The following SCAPER variants were observed in gnomAD, a reference collection of about 807,000 sequenced individuals.
SCAPER encodes the protein S-phase cyclin A associated protein in the ER, also known as S phase cyclin A-associated protein in the endoplasmic reticulum.
In SCAPER, 98 loss-of-function variants were observed where a neutral mutation model predicts 182.2. That is an observed-to-expected ratio of 0.54 (90% CI 0.46 to 0.64). The LOEUF is 0.64. Among genes scored for constraint, SCAPER ranks in the 30% least tolerant of loss-of-function variants. SCAPER has a pLI of 0.00. For synonymous variants in SCAPER, 605 were observed against 564.6 expected (o/e 1.07, Z -1.01); for missense variants, 1,432 against 1,690.0 (o/e 0.85, Z 2.68).
intron 22 of SCAPER, among the ~76,000 whole-genome samples, chr15:76,617,885 C>T (rs749733646): frequency 2.0e-5 from 3 of 152,112 alleles, no homozygotes; most frequent in Admixed American, 6.5e-5. Context: ...CTTCTTCTGG[C>T]CATCTTTTGC....
At chr15:76,685,322 T>TA (rs541148736) in intron 20 of SCAPER, among the ~76,000 whole-genome samples, 156 of 145,126 alleles carry the variant, frequency 1.1e-3, no homozygotes, top group Non-Finnish European at 1.4e-3. Flanking sequence ...CAATGTGATT[T>TA]AAAAAAAAAA....
intron 28 of SCAPER, among the ~76,000 whole-genome samples, chr15:76,379,485 T>G (rs923248856): frequency 6.6e-6 from 1 of 152,152 alleles, no homozygotes; most frequent in African/African-American, 2.4e-5. Flanking sequence ...CATTTCTTTT[T>G]ATCCCTAGAG....
At chr15:76,844,840 G>A (rs1174775042) in intron 4 of SCAPER, among the ~76,000 whole-genome samples, 1 of 152,020 alleles carries the variant, frequency 6.6e-6, no homozygotes, top group Non-Finnish European at 1.5e-5. Context: ...CAGAGGAGGA[G>A]GGAATACTTC....
chr15:76,399,719 A>G (rs1454941459), intron 27 of SCAPER, among the ~76,000 whole-genome samples: 1 of 152,086 alleles, frequency 6.6e-6, no homozygotes, highest in Non-Finnish European at 1.5e-5. Context: ...CTAGGTAAAA[A>G]TTTGGCTGAG....
chr15:76,704,827 A>C (rs890947476), intron 18 of SCAPER, among the ~76,000 whole-genome samples: 31 of 152,198 alleles, frequency 2.0e-4, no homozygotes, highest in Admixed American at 1.9e-3. Flanking sequence ...AGAGAAATGC[A>C]AATCAAAACC....
chr15:76,637,382 T>C (rs2053687481), intron 21 of SCAPER, among the ~76,000 whole-genome samples: 1 of 152,108 alleles, frequency 6.6e-6, no homozygotes, highest in Non-Finnish European at 1.5e-5. Flanking sequence ...ATATAAAGGT[T>C]CCAATTTCTC....
At position 76,798,219 on chromosome 15, in the gene SCAPER, G is replaced by C. The variant is rs573202676; in HGVS notation, c.611+2029C>G. Among the ~76,000 whole-genome samples, 397 of 152,112 alleles carry C rather than the reference G, an allele frequency of 2.6e-3. 2 individuals carry two copies. Among genetic ancestry groups the C allele is most frequent in the African/African-American group, 9.2e-3 (381 of 41,518 alleles). On this transcript the variant is annotated intron_variant, in intron 7 of 31. Transcript: ENST00000563290. The stretch of plus-strand genomic sequence containing the variant: ...TACCAAAAATACAAAAATTAGCTGG[G>C]CATGGTGGCATGCGCCTATAATTCC...
intron 26 of SCAPER, among the ~76,000 whole-genome samples, chr15:76,406,661 A>G (rs570549167): frequency 1.2e-3 from 184 of 152,126 alleles, no homozygotes; most frequent in Non-Finnish European, 2.0e-3. Flanking sequence ...AGCAAACAAA[A>G]TAAAAGAAAG....
At chr15:76,765,114 CATGA>C in intron 13 of SCAPER, 42 bp from the exon 14 acceptor site, 1 of 1,370,656 alleles carries the variant, frequency 7.3e-7, no homozygotes, top group Non-Finnish European at 1.0e-6. Context: ...GAAATGTTTA[CATGA>C]TAAGGCCAGA....
intron 5 of SCAPER, among the ~76,000 whole-genome samples, chr15:76,833,762 G>C (rs1164160785): frequency 6.6e-6 from 1 of 152,180 alleles, no homozygotes; most frequent in Non-Finnish European, 1.5e-5. Context: ...AAAGGACAAA[G>C]AAGAGTATTA....
intron 25 of SCAPER, among the ~76,000 whole-genome samples, chr15:76,457,472 TCTTTTGGAATATC>T (rs1446080675): frequency 6.6e-6 from 1 of 152,220 alleles, no homozygotes; most frequent in Non-Finnish European, 1.5e-5. Flanking sequence ...TTTCCTTTCT[TCTTTTGGAATATC>T]CTTTTGGAAT....
chr15:76,663,015 G>A (rs1375737786), intron 21 of SCAPER, among the ~76,000 whole-genome samples: 1 of 152,016 alleles, frequency 6.6e-6, no homozygotes, highest in South Asian at 2.1e-4. Flanking sequence ...TAAAGAAAAT[G>A]TATATGTAAG....
intron 16 of SCAPER, among the ~76,000 whole-genome samples, chr15:76,729,279 CACAT>C (rs2060770510): frequency 7.6e-6 from 1 of 130,862 alleles, no homozygotes; most frequent in Non-Finnish European, 1.5e-5. Context: ...TACACACACA[CACAT>C]ATATATACAC....
intron 23 of SCAPER, among the ~76,000 whole-genome samples, chr15:76,562,284 GACAA>G (rs2145167349): frequency 6.6e-6 from 1 of 151,284 alleles, no homozygotes; most frequent in African/African-American, 2.4e-5. Flanking sequence ...CTTTATAAAA[GACAA>G]TATTGATAAA....
chr15:76,709,964 A>T (rs1436626008), intron 17 of SCAPER, among the ~76,000 whole-genome samples: 2 of 152,232 alleles, frequency 1.3e-5, no homozygotes, highest in African/African-American at 4.8e-5. Flanking sequence ...TTCAAAGTCC[A>T]TTCATGTTAA....
intron 11 of SCAPER, among the ~76,000 whole-genome samples, chr15:76,766,253 C>T (rs368163369): frequency 1.3e-5 from 2 of 152,034 alleles, no homozygotes; most frequent in Non-Finnish European, 2.9e-5. Context: ...CCTGCCACCA[C>T]GCCCAGCTAA....
intron 14 of SCAPER, among the ~76,000 whole-genome samples, chr15:76,761,468 A>G (rs1295495843): frequency 6.6e-6 from 1 of 152,192 alleles, no homozygotes; most frequent in Non-Finnish European, 1.5e-5. Flanking sequence ...TTGTTTTGCT[A>G]CATCTCACAA....
intron 2 of SCAPER, among the ~76,000 whole-genome samples, chr15:76,877,916 A>T (rs9888668): frequency 0.02 from 3,010 of 152,318 alleles, 91 homozygotes; most frequent in African/African-American, 0.068. Context: ...CATTTTGAAC[A>T]CTGAATTGTG....
At chr15:76,468,319 A>G (rs1423940869) in intron 25 of SCAPER, among the ~76,000 whole-genome samples, 1 of 152,010 alleles carries the variant, frequency 6.6e-6, no homozygotes, top group African/African-American at 2.4e-5. Context: ...CATGTATAAG[A>G]AAAAAAAGGT....
Sources: gnomAD v4.1 joint callset for allele counts (sites outside exome capture counted in the v4.1 genomes callset) on GRCh38, gnomAD v4.1.1 for gene constraint, MANE v1.5 for transcripts, NCBI Gene and HGNC (gene_info 2026-07-23, HGNC 2026-07-21) for gene names.